The following TAS2R1 variants were observed in gnomAD, a reference collection of about 807,000 sequenced individuals.
The protein encoded by TAS2R1 is taste 2 receptor member 1.
For missense variants in TAS2R1, 370 were observed against 353.4 expected (o/e 1.05, Z -0.38); for synonymous variants, 141 against 134.2 (o/e 1.05, Z -0.35).
At chr5:9,891,821 C>A in the TAS2R1 span, among the ~76,000 whole-genome samples, 2 of 152,186 alleles carry the variant, frequency 1.3e-5, no homozygotes, top group African/African-American at 4.8e-5. Flanking sequence ...CCCCAAGCCA[C>A]CAAAGCACTT....
chr5:9,796,267 C>T, the TAS2R1 span, among the ~76,000 whole-genome samples: 30 of 152,322 alleles, frequency 2.0e-4, no homozygotes, highest in East Asian at 4.1e-3. Flanking sequence ...AGTAGCCCTT[C>T]CCTGTGAACA....
At position 9,647,580 on chromosome 5, in the gene TAS2R1, C is replaced by T. The variant is rs150299085; in HGVS notation, c.-81+11841G>A. On this transcript the variant is annotated intron_variant, in intron 2 of 2. Coordinates refer to the TAS2R1 transcript ENST00000506620. ...AATGGTACTCAAGGTCCTCCAGCCACGTGAATAGAGCAAAATTGGTCCAAT... is the reference window on the plus strand; with the variant it reads ...AATGGTACTCAAGGTCCTCCAGCCATGTGAATAGAGCAAAATTGGTCCAAT... Among the ~76,000 whole-genome samples the T allele has an allele frequency of 5.4e-3, 814 of 152,082 alleles. 3 individuals carry two copies. The highest frequency in any genetic ancestry group is 8.8e-3 in the Non-Finnish European group (597 of 67,988).
intron 2 of TAS2R1, among the ~76,000 whole-genome samples, chr5:9,635,797 T>C (rs978848327): frequency 2.6e-5 from 4 of 152,086 alleles, no homozygotes; most frequent in African/African-American, 7.2e-5. Context: ...CCTGTTTCAT[T>C]TCTAATTGAG....
At chr5:9,713,559 A>T (rs1734743423), upstream of TAS2R1, among the ~76,000 whole-genome samples, 2 of 152,104 alleles carry the variant, frequency 1.3e-5, no homozygotes, top group Admixed American at 1.3e-4. Context: ...TGATGAGGAG[A>T]AGTGGGATAA....
chr5:9,701,001 A>C (rs1208900079), intron 1 of TAS2R1, among the ~76,000 whole-genome samples: 2 of 152,142 alleles, frequency 1.3e-5, no homozygotes, highest in East Asian at 3.8e-4. Flanking sequence ...TTTAGTTCAT[A>C]GCATAGAGAA....
the TAS2R1 span, among the ~76,000 whole-genome samples, chr5:9,744,567 A>G: frequency 1.3e-5 from 2 of 152,160 alleles, no homozygotes; most frequent in South Asian, 2.1e-4. Flanking sequence ...ACAAACTTGT[A>G]TATATAGTAA....
chr5:9,819,364 G>A, the TAS2R1 span, among the ~76,000 whole-genome samples: 1 of 152,124 alleles, frequency 6.6e-6, no homozygotes, highest in South Asian at 2.1e-4. Context: ...CATTACATGC[G>A]AGCTTAATTT....
At chr5:9,869,380 T>C in the TAS2R1 span, among the ~76,000 whole-genome samples, 1 of 152,208 alleles carries the variant, frequency 6.6e-6, no homozygotes, top group African/African-American at 2.4e-5. Context: ...AGAGAGTATG[T>C]GCAGTGAACT....
At chr5:9,779,198 C>T in the TAS2R1 span, among the ~76,000 whole-genome samples, 2 of 152,200 alleles carry the variant, frequency 1.3e-5, no homozygotes, top group South Asian at 4.1e-4. Context: ...TCTGGACCTC[C>T]TTCCTCTCTC....
the TAS2R1 span, among the ~76,000 whole-genome samples, chr5:9,721,709 C>T: frequency 1.3e-5 from 2 of 152,100 alleles, no homozygotes. Flanking sequence ...TAGAGGATTT[C>T]TCTTACTTTG....
chr5:9,628,899 C>T lies in TAS2R1; in HGVS notation c.*234G>A, dbSNP rs1739810742. The T allele has an allele frequency of 5.1e-6, 2 of 391,774 alleles. No homozygotes were observed. The highest frequency in any genetic ancestry group is 4.1e-5 in the African/African-American group (2 of 49,198). 24.3% of individuals were successfully genotyped at this position (391,774 alleles called of 1,614,324 possible). ...AACTTGCACGATGATAGTACAATAT[C>T]ACTACCAGGATATTGAAATTGATGT... On this transcript the variant is annotated 3_prime_UTR_variant, in exon 1 of 1. Transcript: ENST00000382492.
chr5:9,636,452 C>T (rs979336067), intron 2 of TAS2R1, among the ~76,000 whole-genome samples: 1 of 151,926 alleles, frequency 6.6e-6, no homozygotes, highest in Admixed American at 6.6e-5. Context: ...TCTATTAAGT[C>T]CATTTGTTCT....
chr5:9,786,101 A>G, the TAS2R1 span, among the ~76,000 whole-genome samples: 1 of 152,204 alleles, frequency 6.6e-6, no homozygotes. Context: ...TACATAATCT[A>G]GTTTCTAGAA....
chr5:9,817,257 G>A, the TAS2R1 span, among the ~76,000 whole-genome samples: 1 of 152,194 alleles, frequency 6.6e-6, no homozygotes, highest in Non-Finnish European at 1.5e-5. Context: ...AACAGCCGTT[G>A]TGTCATAGAG....
At chr5:9,696,181 T>G (rs1438121912) in intron 1 of TAS2R1, among the ~76,000 whole-genome samples, 4 of 152,142 alleles carry the variant, frequency 2.6e-5, no homozygotes, top group Non-Finnish European at 5.9e-5. Context: ...TTAAACAATT[T>G]TTGAAAAAAC....
At chr5:9,718,204 T>C in the TAS2R1 span, among the ~76,000 whole-genome samples, 8 of 151,994 alleles carry the variant, frequency 5.3e-5, no homozygotes, top group East Asian at 1.2e-3. Context: ...CTCCTGACCT[T>C]GTGATCTGCC....
the TAS2R1 span, among the ~76,000 whole-genome samples, chr5:9,788,507 A>C: frequency 6.6e-6 from 1 of 152,026 alleles, no homozygotes; most frequent in Admixed American, 6.6e-5. Context: ...TGACCTAAAA[A>C]CCCGTGAGAG....
chr5:9,647,173 G>A (rs967468060), intron 2 of TAS2R1, among the ~76,000 whole-genome samples: 10 of 152,108 alleles, frequency 6.6e-5, no homozygotes, highest in African/African-American at 2.2e-4. Flanking sequence ...ATCTGTAAAG[G>A]ATATTAATGA....
the TAS2R1 span, among the ~76,000 whole-genome samples, chr5:9,858,384 G>A: frequency 6.6e-6 from 1 of 152,196 alleles, no homozygotes; most frequent in Non-Finnish European, 1.5e-5. Context: ...CTTTCCCCAA[G>A]TGAAGGGTAT....
Sources: gnomAD v4.1 joint callset for allele counts (sites outside exome capture counted in the v4.1 genomes callset) on GRCh38, gnomAD v4.1.1 for gene constraint, MANE v1.5 for transcripts, NCBI Gene and HGNC (gene_info 2026-07-23, HGNC 2026-07-21) for gene names.